Variants in MTCL1 observed in about 807,000 individuals in gnomAD.
MTCL1 encodes microtubule crosslinking factor 1.
Under a neutral mutation model 141.4 loss-of-function variants are expected in MTCL1, and 79 were observed. The observed-to-expected ratio is 0.56, with a 90% confidence interval of 0.47 to 0.67. The LOEUF (loss-of-function observed/expected upper bound fraction) is 0.67, where lower values mean the gene tolerates loss of function less well. Among genes scored for constraint, MTCL1 ranks in the 30% least tolerant of loss-of-function variants. The probability of loss-of-function intolerance (pLI) is 0.00; values close to 1 mark genes in which losing one functional copy is unlikely to be tolerated. For synonymous variants in MTCL1, 914 were observed against 875.8 expected (o/e 1.04, Z -0.77); for missense variants, 2,177 against 2,113.9 (o/e 1.03, Z -0.59).
chr18:8,811,810 CT>C (rs2076496616), intron 11 of MTCL1, among the ~76,000 whole-genome samples: 1 of 152,224 alleles, frequency 6.6e-6, no homozygotes, highest in South Asian at 2.1e-4. Flanking sequence ...AAAGGCCTTC[CT>C]TTGAAAAGTA....
intron 4 of MTCL1, among the ~76,000 whole-genome samples, chr18:8,739,825 A>G (rs980021280): frequency 1.4e-4 from 22 of 152,136 alleles, no homozygotes; most frequent in African/African-American, 5.3e-4. Context: ...TCTGCCTCCC[A>G]GGTTCAAGCA....
intron 11 of MTCL1, chr18:8,809,484 G>A: frequency 6.5e-7 from 1 of 1,536,028 alleles, no homozygotes; most frequent in Non-Finnish European, 8.7e-7. Context: ...CATTGAGGAG[G>A]AGACTTTAGG....
intron 4 of MTCL1, among the ~76,000 whole-genome samples, chr18:8,755,208 G>A (rs564567234): frequency 1.2e-4 from 19 of 152,368 alleles, no homozygotes; most frequent in African/African-American, 3.4e-4. Flanking sequence ...AAGGTCACAC[G>A]CGTGACAGGA....
chr18:8,759,023 G>A (rs2096416747), intron 4 of MTCL1, among the ~76,000 whole-genome samples: 1 of 152,202 alleles, frequency 6.6e-6, no homozygotes, highest in South Asian at 2.1e-4. Context: ...GGACAGCAGG[G>A]GGTGTGGAGA....
chr18:8,792,948 A>G, intron 7 of MTCL1, 50 bp from the exon 7 acceptor site: 1 of 1,606,150 alleles, frequency 6.2e-7, no homozygotes, highest in Non-Finnish European at 8.5e-7. Context: ...TCGTCACCTC[A>G]GGCAGAGTTC....
Position 8,828,819 on chromosome 18 carries a change from GCTGACTTTAAAC to G in MTCL1, c.4723-86_4723-75del. The G allele has an allele frequency of 6.3e-7, 1 of 1,597,750 alleles. No individual in the cohort carries two copies. Among genetic ancestry groups the G allele is most frequent in the South Asian group, 1.1e-5 (1 of 89,528 alleles). On this transcript the variant is annotated intron_variant, in intron 15 of 16. Coordinates refer to ENST00000359865, the Ensembl canonical transcript of MTCL1. This position sits in a 1 kb window ranked among gnomAD's most constrained non-coding sequence, Gnocchi z 5.2. ...GGGATGGTCCTCTACCTCCGGGCTT[GCTGACTTTAAAC>G]CTTTATTGTTCTCCTGTTTAAAAAA...
At chr18:8,734,095 G>C (rs765131841) in intron 4 of MTCL1, among the ~76,000 whole-genome samples, 82 of 151,998 alleles carry the variant, frequency 5.4e-4, no homozygotes, top group Non-Finnish European at 8.8e-4. Flanking sequence ...CTTGGAGCAG[G>C]GTTTCTCTGC....
chr18:8,807,081 C>T (rs1292712548), intron 11 of MTCL1, 21 bp downstream of exon 10: 1 of 1,603,428 alleles, frequency 6.2e-7, no homozygotes, highest in Admixed American at 1.7e-5. Flanking sequence ...CCCAGGTCTC[C>T]CTCGATCCTG....
intron 4 of MTCL1, among the ~76,000 whole-genome samples, chr18:8,737,048 A>G (rs1015174300): frequency 3.3e-5 from 5 of 152,190 alleles, no homozygotes; most frequent in Middle Eastern, 3.2e-3. Context: ...ATTTGCTGCT[A>G]TGTCTGACTC....
At chr18:8,824,115 A>G (rs551620145) in intron 14 of MTCL1, among the ~76,000 whole-genome samples, 53 of 152,120 alleles carry the variant, frequency 3.5e-4, no homozygotes, top group Non-Finnish European at 1.6e-4. Flanking sequence ...CCTGACCACC[A>G]CTTCTTTGCC....
Position 8,822,119 on chromosome 18 carries a change from T to C in MTCL1, c.3188+621T>C, listed in dbSNP as rs2076864873. On this transcript the variant is annotated intron_variant, in intron 14 of 16. Transcript: ENST00000359865. The surrounding 1 kb of genome is among the most constrained non-coding windows in gnomAD (Gnocchi z 4.6). ...TTGATTTTCCTCTGAACTTCGAGTC[T>C]GTGAATGACTGTCCTCTTCCCATTT... is the stretch of plus-strand genomic sequence containing the variant. Among the ~76,000 whole-genome samples, 2 of 152,238 alleles carry C rather than the reference T, an allele frequency of 1.3e-5. No individual in the cohort carries two copies. Among genetic ancestry groups the C allele is most frequent in the Admixed American group, 1.3e-4 (2 of 15,284 alleles).
chr18:8,809,231 C>T (rs1259393532), intron 11 of MTCL1, among the ~76,000 whole-genome samples: 1 of 152,098 alleles, frequency 6.6e-6, no homozygotes, highest in African/African-American at 2.4e-5. Flanking sequence ...ATGGATTAAC[C>T]TGGGGTTAAT....
intron 4 of MTCL1, among the ~76,000 whole-genome samples, chr18:8,764,025 T>C (rs1203184274): frequency 1.3e-5 from 2 of 152,174 alleles, no homozygotes; most frequent in Non-Finnish European, 2.9e-5. Flanking sequence ...TATATAGAAA[T>C]CACACAGTTG....
chr18:8,794,762 C>T (rs1382255981), intron 8 of MTCL1, among the ~76,000 whole-genome samples: 1 of 152,182 alleles, frequency 6.6e-6, no homozygotes, highest in Non-Finnish European at 1.5e-5. Context: ...AACTCTGTTC[C>T]TCATTGTTCT....
chr18:8,796,476 C>T lies in MTCL1; in HGVS notation c.2241+14C>T, dbSNP rs776913249. On this transcript the variant is annotated intron_variant, in intron 9 of 16. Coordinates refer to ENST00000359865, the Ensembl canonical transcript of MTCL1. ...GAGTTCACTGAGGTAACTCCACTGT[C>T]GAATTCCTTTTATTTGCATCTGTTT... The T allele has an allele frequency of 3.3e-5, 54 of 1,612,622 alleles. No individual in the cohort carries two copies. The highest frequency in any genetic ancestry group is 1.6e-4 in the Middle Eastern group (1 of 6,070).
At chr18:8,762,858 AAG>A (rs1488936472) in intron 4 of MTCL1, among the ~76,000 whole-genome samples, 2 of 152,134 alleles carry the variant, frequency 1.3e-5, no homozygotes, top group Admixed American at 1.3e-4. Flanking sequence ...AGCACGGGGA[AAG>A]GGGCGAGTGT....
intron 12 of MTCL1, among the ~76,000 whole-genome samples, chr18:8,814,026 G>T (rs1313020985): frequency 6.6e-6 from 1 of 152,120 alleles, no homozygotes; most frequent in African/African-American, 2.4e-5. Context: ...ATAAATTTAT[G>T]AGGTCTCAAG....
chr18:8,825,871 C>T, exon 15 of MTCL1: 1 of 1,614,136 alleles, frequency 6.2e-7, no homozygotes, highest in Non-Finnish European at 8.5e-7. Flanking sequence ...GACCACAGCC[C>T]CGTGGTGCAG....
At chr18:8,708,630 C>T (rs940655026) in intron 1 of MTCL1, among the ~76,000 whole-genome samples, 6 of 152,178 alleles carry the variant, frequency 3.9e-5, no homozygotes, top group African/African-American at 9.7e-5. Context: ...TGCTTTCCTC[C>T]GAGCACACTG....
Sources: gnomAD v4.1 joint callset for allele counts (sites outside exome capture counted in the v4.1 genomes callset) on GRCh38, gnomAD v4.1.1 for gene constraint, Gnocchi (gnomAD v3.1) non-coding constraint, MANE v1.5 for transcripts, NCBI Gene and HGNC (gene_info 2026-07-23, HGNC 2026-07-21) for gene names.